GABRB1: variants seen among roughly 807,000 people sequenced by gnomAD.
The protein encoded by GABRB1 is gamma-aminobutyric acid type A receptor subunit beta1, also known as gamma-aminobutyric acid receptor subunit beta-1.
GABRB1 carries 17 observed loss-of-function variants against 51.6 expected under a neutral mutation model. The ratio of observed to expected loss-of-function variants is 0.33; its 90% CI spans 0.23 to 0.49. The LOEUF is 0.49. GABRB1 is among the 20% of genes least tolerant of loss of function. The pLI is 0.99. For missense variants in GABRB1, 410 were observed against 600.6 expected, an observed-to-expected ratio of 0.68 and a Z score of 3.32; for synonymous variants, 247 against 218.9, an observed-to-expected ratio of 1.13 and a Z score of -1.14.
chr4:47,032,330 G>A (rs1725355145), intron 2 of GABRB1, 87 bp from the exon 3 acceptor site: 8 of 1,213,520 alleles, frequency 6.6e-6, no homozygotes, highest in Non-Finnish European at 9.3e-6. Flanking sequence ...CGTTAAGAAT[G>A]GAGTAAGGGC....
intron 3 of GABRB1, among the ~76,000 whole-genome samples, chr4:47,110,378 A>G (rs1042868989): frequency 1.3e-5 from 2 of 152,216 alleles, no homozygotes; most frequent in Non-Finnish European, 2.9e-5. Context: ...TTTTCTGAAC[A>G]TAGTCTATGC....
chr4:47,231,243 G>T (rs924022225), intron 4 of GABRB1, among the ~76,000 whole-genome samples: 2 of 152,154 alleles, frequency 1.3e-5, no homozygotes, highest in Non-Finnish European at 1.5e-5. Context: ...TTCCATAAAA[G>T]AAGTTTAAAA....
intron 4 of GABRB1, among the ~76,000 whole-genome samples, chr4:47,282,745 C>T (rs1486200118): frequency 6.6e-6 from 1 of 152,152 alleles, no homozygotes; most frequent in Non-Finnish European, 1.5e-5. Flanking sequence ...AATCATAACT[C>T]TTATGCCAGT....
intron 4 of GABRB1, among the ~76,000 whole-genome samples, chr4:47,230,104 T>C (rs1005571248): frequency 6.6e-6 from 1 of 152,194 alleles, no homozygotes; most frequent in Non-Finnish European, 1.5e-5. Context: ...AATATACTTC[T>C]GATTGCTATA....
intron 3 of GABRB1, among the ~76,000 whole-genome samples, chr4:47,156,437 G>A (rs1368333984): frequency 2.6e-5 from 4 of 152,016 alleles, no homozygotes; most frequent in African/African-American, 7.2e-5. Flanking sequence ...AAGTGAAGGA[G>A]CATCTCTGGC....
chr4:47,319,809 C>T (rs901264026), intron 4 of GABRB1, among the ~76,000 whole-genome samples: 2 of 152,090 alleles, frequency 1.3e-5, no homozygotes, highest in South Asian at 4.1e-4. Context: ...AACCATCTGG[C>T]CCTGGGCTTT....
At chr4:47,329,612 CTCTG>C (rs776130116) in intron 5 of GABRB1, among the ~76,000 whole-genome samples, 113 of 147,998 alleles carry the variant, frequency 7.6e-4, no homozygotes, top group Non-Finnish European at 1.4e-3. Context: ...CTCTCTTGCT[CTCTG>C]TCTGTCTATA....
At chr4:47,003,328 C>T (rs528252007) in intron 1 of GABRB1, among the ~76,000 whole-genome samples, 2 of 152,190 alleles carry the variant, frequency 1.3e-5, no homozygotes, top group South Asian at 2.1e-4. Context: ...TTCTGTGGAC[C>T]GTTTGCCTAA....
At chr4:47,338,158 A>G (rs1490884893) in intron 5 of GABRB1, among the ~76,000 whole-genome samples, 3 of 152,124 alleles carry the variant, frequency 2.0e-5, no homozygotes, top group African/African-American at 4.8e-5. Context: ...ATCTTTCTAT[A>G]CATCACCAAT....
At chr4:47,369,555 G>A (rs1377680669) in intron 5 of GABRB1, among the ~76,000 whole-genome samples, 1 of 152,000 alleles carries the variant, frequency 6.6e-6, no homozygotes, top group Admixed American at 6.6e-5. Flanking sequence ...TTAAGCCAAC[G>A]GGCAAATCTA....
chr4:47,343,282 G>C (rs1171590516), intron 5 of GABRB1, among the ~76,000 whole-genome samples: 1 of 152,058 alleles, frequency 6.6e-6, no homozygotes, highest in Non-Finnish European at 1.5e-5. Flanking sequence ...TTTTAAACGA[G>C]GATAAAATCA....
intron 3 of GABRB1, among the ~76,000 whole-genome samples, chr4:47,125,352 A>C (rs980827485): frequency 3.4e-4 from 51 of 152,158 alleles, no homozygotes; most frequent in African/African-American, 1.1e-3. Flanking sequence ...GATGCTAATT[A>C]TTTTATGCTA....
At chr4:47,071,531 C>A (rs1348867995) in intron 3 of GABRB1, among the ~76,000 whole-genome samples, 2 of 152,168 alleles carry the variant, frequency 1.3e-5, no homozygotes, top group Non-Finnish European at 2.9e-5. Context: ...TCCAACCAAC[C>A]CCTGCTCCCC....
At chr4:47,090,299 T>G (rs1209664821) in intron 3 of GABRB1, among the ~76,000 whole-genome samples, 1 of 152,212 alleles carries the variant, frequency 6.6e-6, no homozygotes, top group Non-Finnish European at 1.5e-5. Flanking sequence ...AGGATTCTAT[T>G]CCATCTATTT....
At chr4:47,306,409 T>C (rs574201964) in intron 4 of GABRB1, among the ~76,000 whole-genome samples, 29 of 143,976 alleles carry the variant, frequency 2.0e-4, no homozygotes, top group Non-Finnish European at 1.5e-4. Flanking sequence ...GAAGTAGAGA[T>C]GGGAGGTGCA....
intron 4 of GABRB1, among the ~76,000 whole-genome samples, chr4:47,203,311 A>T (rs1392724496): frequency 1.3e-5 from 2 of 152,148 alleles, no homozygotes; most frequent in Non-Finnish European, 2.9e-5. Context: ...TCTTGTAAGG[A>T]GTCGTTCAAC....
intron 5 of GABRB1, among the ~76,000 whole-genome samples, chr4:47,346,664 A>C (rs773232726): frequency 1.9e-4 from 29 of 152,234 alleles, no homozygotes; most frequent in Non-Finnish European, 2.8e-4. Flanking sequence ...TTCAGCTGAT[A>C]AGAAAGTCCC....
intron 3 of GABRB1, chr4:47,032,692 A>G (rs1725378144): frequency 1.4e-6 from 1 of 713,816 alleles, no homozygotes; most frequent in South Asian, 1.5e-5. Context: ...TTCCAGGGGA[A>G]ACGTGCTCGG....
At chr4:47,225,432 G>A (rs938618798) in intron 4 of GABRB1, among the ~76,000 whole-genome samples, 36 of 152,068 alleles carry the variant, frequency 2.4e-4, no homozygotes, top group African/African-American at 8.7e-4. Context: ...TTGAGGGTGG[G>A]GTGGAATTAA....
Sources: allele counts gnomAD v4.1 joint callset (sites outside exome capture counted in the v4.1 genomes callset), GRCh38; gene constraint gnomAD v4.1.1; transcripts MANE v1.5; gene names NCBI Gene and HGNC (gene_info 2026-07-23, HGNC 2026-07-21).